Variants in PLCB1 observed in about 807,000 individuals in gnomAD.
PLCB1 encodes 1-phosphatidylinositol 4,5-bisphosphate phosphodiesterase beta-1.
A neutral mutation model predicts 161.8 loss-of-function variants in PLCB1; 46 were observed. The ratio of observed to expected loss-of-function variants is 0.28; its 90% confidence interval spans 0.22 to 0.36. PLCB1 has a LOEUF of 0.36. PLCB1 is among the 10% of genes least tolerant of loss of function. The pLI is 1.00. For synonymous variants in PLCB1, 517 were observed against 503.7 expected, an observed-to-expected ratio of 1.03 and a Z score of -0.35; for missense variants, 1,016 against 1,472.5, an observed-to-expected ratio of 0.69 and a Z score of 5.07.
rs534453804 is a variant in PLCB1 at position 8,303,199 on chromosome 20, T to A, written c.178-68183T>A. Among the ~76,000 whole-genome samples, 5 of 152,294 alleles carry A rather than the reference T, an allele frequency of 3.3e-5. No homozygotes were observed. In the East Asian group the frequency reaches 9.6e-4, roughly 29 times the overall value. On this transcript the variant is annotated intron_variant, in intron 2 of 31. Transcript: ENST00000338037. ...AAGAAGAGCATCTGGGCTGAAAAAA[T>A]GTTTCTTGTTTCCTCCTTGTTACCT...
intron 2 of PLCB1, among the ~76,000 whole-genome samples, chr20:8,232,953 A>G (rs115329586): frequency 1.4e-3 from 209 of 152,246 alleles, no homozygotes; most frequent in African/African-American, 4.9e-3. Context: ...AAGTGGAAAT[A>G]TGTATACATT....
At chr20:8,452,876 C>T (rs551437864) in intron 3 of PLCB1, among the ~76,000 whole-genome samples, 21 of 152,282 alleles carry the variant, frequency 1.4e-4, no homozygotes, top group African/African-American at 5.1e-4. Context: ...ATGGAAAGTA[C>T]GTTGGCATTA....
At chr20:8,687,019 A>AATTATT (rs35280507) in intron 10 of PLCB1, among the ~76,000 whole-genome samples, 114 of 149,106 alleles carry the variant, frequency 7.6e-4, no homozygotes, top group East Asian at 4.0e-3. Context: ...TACCAATTTA[A>AATTATT]ATTATTATTA....
At position 8,230,056 on chromosome 20, in the gene PLCB1, C is replaced by CAA. The variant is rs547874616; in HGVS notation, c.177+79712_177+79713dup. Among the ~76,000 whole-genome samples, 316 of 58,814 alleles carry CAA rather than the reference C, an allele frequency of 5.4e-3. 40 individuals are homozygous for CAA. Among genetic ancestry groups the CAA allele is most frequent in the Non-Finnish European group, 8.1e-3 (215 of 26,690 alleles). 38.6% of individuals were successfully genotyped at this position (58,814 alleles called of 152,430 possible). A position where few individuals can be genotyped will look rare whatever the true frequency, so the allele number is the denominator to read the frequency against. ...CGGCAACAGAGTTGCGACTTGGCAG[C>CAA]AAAAAAAAAAAAAAAAAAAAAAAAA... On this transcript the variant is annotated intron_variant, in intron 2 of 31. Transcript: ENST00000338037.
chr20:8,499,271 T>C (rs1381388816), intron 3 of PLCB1, among the ~76,000 whole-genome samples: 1 of 152,210 alleles, frequency 6.6e-6, no homozygotes, highest in African/African-American at 2.4e-5. Flanking sequence ...ATACAAGTAT[T>C]GCTTTTTTCT....
chr20:8,153,448 T>G (rs1330347861), intron 2 of PLCB1, among the ~76,000 whole-genome samples: 1 of 152,112 alleles, frequency 6.6e-6, no homozygotes, highest in African/African-American at 2.4e-5. Context: ...ACAGCCTGAG[T>G]ACTTGAGAGG....
At chr20:8,383,288 A>G (rs1169835646) in intron 3 of PLCB1, among the ~76,000 whole-genome samples, 1 of 152,094 alleles carries the variant, frequency 6.6e-6, no homozygotes, top group Non-Finnish European at 1.5e-5. Flanking sequence ...ACCATTATGT[A>G]ATGCCCTTTT....
chr20:8,385,584 G>A (rs995824214), intron 3 of PLCB1, among the ~76,000 whole-genome samples: 1 of 152,254 alleles, frequency 6.6e-6, no homozygotes, highest in East Asian at 1.9e-4. Flanking sequence ...AAGCAGATTC[G>A]AGCTGAGAGG....
At chr20:8,752,378 T>C (rs955747506) in intron 23 of PLCB1, 4 of 152,246 alleles carry the variant, frequency 2.6e-5, no homozygotes, top group Non-Finnish European at 4.4e-5. Flanking sequence ...ATTATGGTAC[T>C]GTGCGTGTTG....
At chr20:8,649,739 G>T (rs1205633895) in intron 7 of PLCB1, 1 of 422,436 alleles carries the variant, frequency 2.4e-6, no homozygotes, top group East Asian at 3.8e-5. Flanking sequence ...ACTTTTGCCA[G>T]ATGTGCCCTC....
At chr20:8,820,927 A>G (rs1985316190) in intron 31 of PLCB1, among the ~76,000 whole-genome samples, 1 of 151,578 alleles carries the variant, frequency 6.6e-6, no homozygotes, top group East Asian at 1.9e-4. Context: ...AGCATGCAAA[A>G]TGAATCAATA....
chr20:8,487,903 G>GGGT (rs1600102491), intron 3 of PLCB1, among the ~76,000 whole-genome samples: 1 of 152,092 alleles, frequency 6.6e-6, no homozygotes, highest in African/African-American at 2.4e-5. Context: ...TTCCTCCCAG[G>GGGT]GGTGGCACAC....
chr20:8,203,857 A>G (rs1978374771), intron 2 of PLCB1, among the ~76,000 whole-genome samples: 1 of 152,150 alleles, frequency 6.6e-6, no homozygotes, highest in African/African-American at 2.4e-5. Context: ...CACATTGCAT[A>G]CAGTCTTCCA....
At chr20:8,328,641 AT>A (rs1278524230) in intron 2 of PLCB1, among the ~76,000 whole-genome samples, 2 of 151,732 alleles carry the variant, frequency 1.3e-5, no homozygotes, top group African/African-American at 4.8e-5. Context: ...TTAAATGAGC[AT>A]GTATATATAA....
At chr20:8,259,578 T>C (rs1049245668) in intron 2 of PLCB1, among the ~76,000 whole-genome samples, 1 of 152,072 alleles carries the variant, frequency 6.6e-6, no homozygotes, top group Non-Finnish European at 1.5e-5. Context: ...ATCACACCAC[T>C]GCACTCCAGT....
chr20:8,432,662 T>C (rs1010019939), intron 3 of PLCB1, among the ~76,000 whole-genome samples: 18 of 152,326 alleles, frequency 1.2e-4, no homozygotes, highest in African/African-American at 4.3e-4. Flanking sequence ...TTCATTCCCA[T>C]GTTTTTTTCT....
chr20:8,369,343 C>T (rs560711918), intron 2 of PLCB1, among the ~76,000 whole-genome samples: 1 of 152,306 alleles, frequency 6.6e-6, no homozygotes, highest in South Asian at 2.1e-4. Context: ...CAGATCTCCA[C>T]TTATTTCCCA....
chr20:8,614,934 T>C (rs1911609005), intron 3 of PLCB1, among the ~76,000 whole-genome samples: 1 of 152,172 alleles, frequency 6.6e-6, no homozygotes, highest in African/African-American at 2.4e-5. Flanking sequence ...TCTAAATTGC[T>C]TGAACTTTTT....
At chr20:8,465,990 C>A (rs1366141932) in intron 3 of PLCB1, among the ~76,000 whole-genome samples, 13 of 147,374 alleles carry the variant, frequency 8.8e-5, no homozygotes, top group South Asian at 2.2e-4. Context: ...ACCCAAAGGA[C>A]TATAAATCAT....
Sources: allele counts gnomAD v4.1 joint callset (sites outside exome capture counted in the v4.1 genomes callset), GRCh38; gene constraint gnomAD v4.1.1; transcripts MANE v1.5; gene names NCBI Gene and HGNC (gene_info 2026-07-23, HGNC 2026-07-21).